The following CNBD1 variants were observed in gnomAD, a reference collection of about 807,000 sequenced individuals.
CNBD1 encodes cyclic nucleotide binding domain containing 1.
In CNBD1, 71 loss-of-function variants were observed where a neutral mutation model predicts 54.4. That is an observed-to-expected ratio of 1.30 (90% CI 1.08 to 1.59). CNBD1 has a LOEUF of 1.59. Among genes scored for constraint, CNBD1 ranks in the 40% most tolerant of loss-of-function variants. CNBD1 has a pLI of 0.00. For synonymous variants in CNBD1, 182 were observed against 170.7 expected (o/e 1.07, Z -0.51); for missense variants, 659 against 518.0 (o/e 1.27, Z -2.64).
At chr8:87,389,144 A>G (rs955236001) in intron 2 of CNBD1, among the ~76,000 whole-genome samples, 5 of 152,182 alleles carry the variant, frequency 3.3e-5, no homozygotes, top group African/African-American at 1.2e-4. Flanking sequence ...AGCCAATATC[A>G]TCCTGAATGG....
intron 8 of CNBD1, among the ~76,000 whole-genome samples, chr8:87,291,278 T>C (rs1808779739): frequency 6.6e-6 from 1 of 152,148 alleles, no homozygotes; most frequent in African/African-American, 2.4e-5. Context: ...TGAGGGCTTT[T>C]ACACATGTTG....
At chr8:87,011,943 A>G (rs1014239221) in intron 4 of CNBD1, among the ~76,000 whole-genome samples, 5 of 152,192 alleles carry the variant, frequency 3.3e-5, no homozygotes, top group Non-Finnish European at 7.4e-5. Flanking sequence ...GAGCTAAAGA[A>G]CATCTGGGAA....
intron 5 of CNBD1, among the ~76,000 whole-genome samples, chr8:87,236,601 A>AT (rs150302005): frequency 0.022 from 3,321 of 152,144 alleles, 111 homozygotes; most frequent in African/African-American, 0.072. Context: ...TTCTGGTCCC[A>AT]TTTTTCTCAC....
At chr8:87,173,563 A>T (rs1295854626) in intron 4 of CNBD1, among the ~76,000 whole-genome samples, 2 of 152,152 alleles carry the variant, frequency 1.3e-5, no homozygotes, top group African/African-American at 2.4e-5. Context: ...ATACTATTCT[A>T]GGGTAAAAAG....
intron 4 of CNBD1, among the ~76,000 whole-genome samples, chr8:87,117,067 C>T (rs867647339): frequency 2.0e-5 from 3 of 152,148 alleles, no homozygotes; most frequent in Non-Finnish European, 4.4e-5. Flanking sequence ...CTTTGAATGG[C>T]GAATTAACCA....
At chr8:87,318,592 C>G (rs1809451065) in intron 8 of CNBD1, among the ~76,000 whole-genome samples, 1 of 151,980 alleles carries the variant, frequency 6.6e-6, no homozygotes, top group African/African-American at 2.4e-5. Context: ...CAAGGATGCT[C>G]ACCCAGTACA....
At chr8:86,867,846 C>T (rs542048680) in intron 1 of CNBD1, among the ~76,000 whole-genome samples, 2 of 152,254 alleles carry the variant, frequency 1.3e-5, no homozygotes, top group South Asian at 4.2e-4. Context: ...TGTAGTGCCT[C>T]CCAAGGACAC....
intron 4 of CNBD1, among the ~76,000 whole-genome samples, chr8:87,109,537 TTTC>T (rs200387283): frequency 0.14 from 17,619 of 125,858 alleles, 1,186 homozygotes; most frequent in Non-Finnish European, 0.19. Flanking sequence ...TCTTTCTTTC[TTTC>T]TTTTTTTTTT....
chr8:87,240,108 A>C (rs1488837838), intron 6 of CNBD1, among the ~76,000 whole-genome samples: 1 of 151,886 alleles, frequency 6.6e-6, no homozygotes, highest in Non-Finnish European at 1.5e-5. Flanking sequence ...ACACACAGAC[A>C]CAAACATGCA....
At chr8:86,947,552 T>G (rs1271227285) in intron 4 of CNBD1, among the ~76,000 whole-genome samples, 4 of 152,140 alleles carry the variant, frequency 2.6e-5, no homozygotes, top group African/African-American at 9.6e-5. Flanking sequence ...CTCAATTTCA[T>G]TTTTTTGTAA....
chr8:87,267,186 A>G (rs537094471), intron 6 of CNBD1, among the ~76,000 whole-genome samples: 1 of 152,326 alleles, frequency 6.6e-6, no homozygotes, highest in East Asian at 1.9e-4. Flanking sequence ...ATTACAAAAT[A>G]TATAAATTGG....
intron 4 of CNBD1, among the ~76,000 whole-genome samples, chr8:87,137,188 A>G (rs1331558051): frequency 3.5e-5 from 5 of 141,408 alleles, no homozygotes; most frequent in Non-Finnish European, 7.5e-5. Flanking sequence ...TTTTTATTCT[A>G]TATAAATTAT....
chr8:87,030,864 C>A (rs1809769034), intron 4 of CNBD1, among the ~76,000 whole-genome samples: 1 of 114,488 alleles, frequency 8.7e-6, no homozygotes, highest in Non-Finnish European at 1.8e-5. Flanking sequence ...CCTCTCCTCC[C>A]TCTCCTCCCC....
chr8:87,042,486 G>A (rs999632645), intron 4 of CNBD1, among the ~76,000 whole-genome samples: 11 of 152,082 alleles, frequency 7.2e-5, no homozygotes, highest in African/African-American at 2.4e-4. Flanking sequence ...TGCCATTTGG[G>A]GGTTGATAAT....
chr8:87,055,707 ACTTC>A (rs570570459), intron 4 of CNBD1, among the ~76,000 whole-genome samples: 30 of 150,440 alleles, frequency 2.0e-4, no homozygotes, highest in South Asian at 1.5e-3. Context: ...CTTCTACCTC[ACTTC>A]CTTCCTTCCT....
chr8:87,323,321 G>A (rs1259359301), intron 8 of CNBD1, among the ~76,000 whole-genome samples: 4 of 128,018 alleles, frequency 3.1e-5, no homozygotes, highest in African/African-American at 8.9e-5. Context: ...CTTTAAAGTA[G>A]TTTTTTCCAA....
intron 8 of CNBD1, among the ~76,000 whole-genome samples, chr8:87,345,583 A>T (rs1810156276): frequency 6.6e-6 from 1 of 152,176 alleles, no homozygotes; most frequent in Non-Finnish European, 1.5e-5. Flanking sequence ...CAGGCAATCA[A>T]TAAGTCATAA....
At chr8:87,321,885 G>T (rs1809544207) in intron 8 of CNBD1, among the ~76,000 whole-genome samples, 1 of 146,676 alleles carries the variant, frequency 6.8e-6, no homozygotes, top group African/African-American at 2.5e-5. Context: ...CATGTGCCAT[G>T]CTGGTGTGCT....
intron 8 of CNBD1, among the ~76,000 whole-genome samples, chr8:87,293,322 C>A (rs1808819239): frequency 6.6e-6 from 1 of 151,964 alleles, no homozygotes; most frequent in African/African-American, 2.4e-5. Context: ...GGTGGGCTGA[C>A]CACCTGAGGT....
Sources: allele counts gnomAD v4.1 joint callset (sites outside exome capture counted in the v4.1 genomes callset), GRCh38; gene constraint gnomAD v4.1.1; transcripts MANE v1.5; gene names NCBI Gene and HGNC (gene_info 2026-07-23, HGNC 2026-07-21).